CNBD2: variants seen among roughly 807,000 people sequenced by gnomAD.
CNBD2 encodes the protein cyclic nucleotide-binding domain-containing protein 2.
In CNBD2, 64 loss-of-function variants were observed where a neutral mutation model predicts 63.7. That is an observed-to-expected ratio of 1.00 (90% CI 0.82 to 1.24). The LOEUF is 1.24. Ranked by LOEUF, CNBD2 falls within the 50% of genes most tolerant of loss-of-function variation. CNBD2 has a pLI of 0.00. For synonymous variants in CNBD2, 229 were observed against 255.4 expected, an observed-to-expected ratio of 0.90 and a Z score of 0.99; for missense variants, 691 against 713.5, an observed-to-expected ratio of 0.97 and a Z score of 0.36.
At chr20:35,961,591 C>T (rs1305015092) in intron 2 of CNBD2, among the ~76,000 whole-genome samples, 2 of 151,914 alleles carry the variant, frequency 1.3e-5, no homozygotes, top group Non-Finnish European at 2.9e-5. Flanking sequence ...CCCTGCCTCC[C>T]TCTCCTGCTT....
chr20:35,995,199 C>T (rs781308687), intron 8 of CNBD2, 47 bp downstream of exon 8: 31 of 1,322,386 alleles, frequency 2.3e-5, no homozygotes, highest in Non-Finnish European at 3.3e-6. Context: ...CTGGGCCTGT[C>T]CTGTTTCCAG....
rs2056367778 is a variant in CNBD2, at chr20:35,968,606, T to C, written c.-157T>C. 2 of 563,348 alleles carry C rather than the reference T, an allele frequency of 3.6e-6. No homozygotes were observed. Among genetic ancestry groups the C allele is most frequent in the Admixed American group, 2.9e-5 (1 of 34,146 alleles). 34.9% of individuals were successfully genotyped at this position (563,348 alleles called of 1,614,324 possible). A position where few individuals can be genotyped will look rare whatever the true frequency, so the allele number is the denominator to read the frequency against. The stretch of plus-strand genomic sequence containing the variant: ...ATTTTTCTCAGAGCAGGGCTTCCAG[T>C]AGCTGATGGTATGGTAGGAGGAGTG... On this transcript the variant is annotated 5_prime_UTR_variant, in exon 1 of 12. Coordinates refer to ENST00000373973, the MANE Select transcript of CNBD2 (RefSeq NM_001365709.1).
At chr20:36,011,732 T>C (rs1601088991) in intron 10 of CNBD2, among the ~76,000 whole-genome samples, 1 of 152,234 alleles carries the variant, frequency 6.6e-6, no homozygotes, top group Non-Finnish European at 1.5e-5. Context: ...TTATTGTCTA[T>C]GTAGATAATT....
chr20:35,983,771 G>A lies in CNBD2; in HGVS notation c.408-211G>A, dbSNP rs571703939. Reference sequence around the variant, plus strand: ...AGACTGGCAAAGACTCTGCTCTCAGGAAGCTTCAGTTCAACCGAGGCAGGC... The same window carrying A: ...AGACTGGCAAAGACTCTGCTCTCAGAAAGCTTCAGTTCAACCGAGGCAGGC... On this transcript the variant is annotated intron_variant, in intron 4 of 11. Transcript: ENST00000373973. 2.0e-5 allele frequency among the ~76,000 whole-genome samples: 3 copies of A among 152,296 alleles called. No homozygotes were observed. In the South Asian group the frequency reaches 6.2e-4, roughly 32 times the overall value.
chr20:35,955,330 T>C (rs1160881625), exon 1 of CNBD2: 20 of 152,254 alleles, frequency 1.3e-4, no homozygotes, highest in Admixed American at 1.3e-3. Flanking sequence ...ATATAATGTT[T>C]TGCATATATT....
intron 10 of CNBD2, among the ~76,000 whole-genome samples, chr20:36,022,195 C>CTTTTT (rs753206662): frequency 4.1e-4 from 23 of 56,306 alleles, no homozygotes; most frequent in Middle Eastern, 0.014. Flanking sequence ...TTTTTTTTTT[C>CTTTTT]TTTTTTTTTT....
intron 10 of CNBD2, 85 bp from the exon 11 acceptor site, chr20:36,023,517 A>G (rs1269541620): frequency 7.8e-7 from 1 of 1,285,082 alleles, no homozygotes; most frequent in Non-Finnish European, 1.0e-6. Context: ...CCGTCTCAAA[A>G]AAAAATAAAA....
Position 35,980,474 on chromosome 20 carries a change from A to G in CNBD2, c.259A>G (p.Lys87Glu), listed in dbSNP as rs777034324. The change falls in exon 4 of 12, where the codon AAG (lysine) becomes GAG (glutamate). Residue 87 changes from lysine (K) to glutamate (E), a missense_variant. Transcript: ENST00000373973. ...CTCTCCCCAGGGTCACTTTCCTCCAAAGGCCATTCAGATCATGCAGAAGAA... is the reference window on the plus strand; with the variant it reads ...CTCTCCCCAGGGTCACTTTCCTCCAGAGGCCATTCAGATCATGCAGAAGAA... Reference protein sequence around the residue: ...FIAEEGHFPPKAIQIMQKKPS... With the variant: ...FIAEEGHFPPEAIQIMQKKPS... 4 of 1,614,012 alleles carry G rather than the reference A, an allele frequency of 2.5e-6. No individual in the cohort carries two copies. Among genetic ancestry groups the G allele is most frequent in the Non-Finnish European group, 3.4e-6 (4 of 1,180,012 alleles).
intron 10 of CNBD2, among the ~76,000 whole-genome samples, chr20:36,020,081 CTTTTTCTTTTT>C (rs147458636): frequency 0.018 from 2,673 of 152,094 alleles, 74 homozygotes; most frequent in African/African-American, 0.061. Context: ...TTTTTCTTTT[CTTTTTCTTTTT>C]TTTTTCTTGA....
chr20:36,016,164 A>G (rs1257751680), intron 10 of CNBD2, among the ~76,000 whole-genome samples: 2 of 152,208 alleles, frequency 1.3e-5, no homozygotes, highest in African/African-American at 4.8e-5. Flanking sequence ...TAACTGTGGC[A>G]TCCCACAAAA....
rs552443519 is a variant in CNBD2 at position 36,013,947 on chromosome 20, C to T, written c.1269+2690C>T. 1.1e-3 allele frequency among the ~76,000 whole-genome samples: 161 copies of T among 151,924 alleles called. 1 individual carries two copies. The highest frequency in any genetic ancestry group is 1.9e-4 in the East Asian group (1 of 5,160). On this transcript the variant is annotated intron_variant, in intron 10 of 11. Transcript: ENST00000373973. ...CTGTAATCCCAGCACTTTGGGAGGC[C>T]GAGGAGGGCGGATCACGAGGTCAGG...
intron 5 of CNBD2, 134 bp downstream of exon 5, chr20:35,984,272 C>T: frequency 2.3e-6 from 2 of 885,082 alleles, no homozygotes; most frequent in East Asian, 2.6e-5. Flanking sequence ...GGGCCCCTTA[C>T]CTGTCAAATG....
chr20:35,975,815 G>T, intron 2 of CNBD2, 134 bp from the exon 3 acceptor site: 1 of 701,744 alleles, frequency 1.4e-6, no homozygotes, highest in Middle Eastern at 3.7e-4. Context: ...AGGCCTGAAA[G>T]GGCCGGCTGC....
intron 8 of CNBD2, among the ~76,000 whole-genome samples, chr20:36,000,056 G>C (rs2056875519): frequency 6.6e-6 from 1 of 152,148 alleles, no homozygotes; most frequent in South Asian, 2.1e-4. Flanking sequence ...TACTATTTCT[G>C]ATGTTCTTTG....
intron 3 of CNBD2, among the ~76,000 whole-genome samples, chr20:35,978,636 G>A (rs2056555816): frequency 1.3e-5 from 2 of 152,290 alleles, no homozygotes; most frequent in Non-Finnish European, 1.5e-5. Flanking sequence ...GAGCCACCGT[G>A]CCCGGCCCAA....
At chr20:35,957,970 G>A (rs1339874191), downstream of CNBD2, among the ~76,000 whole-genome samples, 1 of 152,206 alleles carries the variant, frequency 6.6e-6, no homozygotes, top group African/African-American at 2.4e-5. Flanking sequence ...GACAAATGTG[G>A]ATTGCAGACC....
chr20:36,026,918 G>A (rs573755225), intron 11 of CNBD2, among the ~76,000 whole-genome samples: 7 of 152,342 alleles, frequency 4.6e-5, no homozygotes, highest in African/African-American at 1.7e-4. Flanking sequence ...GCAAGGCTGT[G>A]CTTTATCCGC....
At chr20:35,966,984 A>G (rs6142468), upstream of CNBD2, among the ~76,000 whole-genome samples, 1 of 152,284 alleles carries the variant, frequency 6.6e-6, no homozygotes, top group East Asian at 1.9e-4. Context: ...GTGCTTACTT[A>G]AAAGCTCCAG....
intron 9 of CNBD2, among the ~76,000 whole-genome samples, chr20:36,009,577 A>G (rs2057031372): frequency 6.6e-6 from 1 of 151,594 alleles, no homozygotes; most frequent in South Asian, 2.1e-4. Context: ...TATGCCTGTA[A>G]TCCCAACACT....
Sources: allele counts gnomAD v4.1 joint callset (sites outside exome capture counted in the v4.1 genomes callset), GRCh38; gene constraint gnomAD v4.1.1; transcripts MANE v1.5; gene names NCBI Gene and HGNC (gene_info 2026-07-23, HGNC 2026-07-21).